The following PLOD3 variants were observed in gnomAD, a reference collection of about 807,000 sequenced individuals.
The protein encoded by PLOD3 is multifunctional procollagen lysine hydroxylase and glycosyltransferase LH3.
Under a neutral mutation model 96.9 loss-of-function variants are expected in PLOD3, and 73 were observed. The observed-to-expected ratio is 0.75, with a 90% CI of 0.62 to 0.92. PLOD3 has a LOEUF of 0.92. PLOD3 is among the 40% of genes least tolerant of loss of function. The pLI, the probability that PLOD3 is intolerant of heterozygous loss-of-function variation, is 0.00. For missense variants in PLOD3, 1,004 were observed against 1,004.3 expected, an observed-to-expected ratio of 1.00 and a Z score of 0.00; for synonymous variants, 454 against 413.7, an observed-to-expected ratio of 1.10 and a Z score of -1.18.
intron 6 of PLOD3, chr7:101,213,669 A>T: frequency 5.9e-6 from 1 of 169,042 alleles, no homozygotes; most frequent in African/African-American, 2.4e-5. Context: ...GGCACATGCC[A>T]CTACACCTGG....
At chr7:101,211,815 C>T (rs1479711681) in intron 11 of PLOD3, 31 bp downstream of exon 11, 1 of 1,592,942 alleles carries the variant, frequency 6.3e-7, no homozygotes, top group East Asian at 2.3e-5. Flanking sequence ...GTTGGGGTGC[C>T]CTCCGGCTGC....
Position 101,206,387 on chromosome 7 carries a change from C to A in PLOD3, c.2111G>T (p.Arg704Met). 1 of 1,613,694 alleles carries A rather than the reference C, an allele frequency of 6.2e-7. No homozygotes were observed. The highest frequency in any genetic ancestry group is 8.5e-7 in the Non-Finnish European group (1 of 1,179,814). The change falls in exon 19 of 19, where the codon AGG (arginine) becomes ATG (methionine). Residue 704 changes from arginine (R) to methionine (M), a missense_variant. Arg to Met is a moderately conservative substitution (Grantham distance 91). Coordinates refer to ENST00000223127, the MANE Select transcript of PLOD3 (RefSeq NM_001084.5). ...LRYDCVISSP[R>M]KGWALLHPGR... ...GGGGTGCAGGAGTGCCCAGCCCTTC[C>A]TCGGGGAGGAGATCACACAGTCGTA...
intron 7 of PLOD3, 28 bp from the exon 8 acceptor site, chr7:101,212,971 G>C: frequency 6.5e-7 from 1 of 1,542,496 alleles, no homozygotes. Flanking sequence ...AGGCTGAGTG[G>C]CTGAGGCCTC....
chr7:101,210,091 A>G lies in PLOD3; in HGVS notation c.1683+2T>C. The stretch of plus-strand genomic sequence containing the variant: ...GTGGGTGGGGAGGCTGCGTGGGCTC[A>G]CCTGCTCCACGATTCCTTCCCCTTC... On this transcript the variant is annotated splice_donor_variant, in intron 15 of 18. Transcript: ENST00000223127. LOFTEE classifies it high-confidence loss of function. 1.3e-6 allele frequency: 2 copies of G among 1,586,462 alleles called. No homozygotes were observed. The highest frequency in any genetic ancestry group is 1.7e-6 in the Non-Finnish European group (2 of 1,165,344).
chr7:101,211,656 G>C lies in PLOD3; in HGVS notation c.1293C>G (p.Ala431=), dbSNP rs769649578. 3.6e-5 allele frequency: 58 copies of C among 1,607,102 alleles called. No individual in the cohort carries two copies. The highest frequency in any genetic ancestry group is 4.2e-5 in the Non-Finnish European group (50 of 1,177,466). The change falls in exon 12 of 19, where the codon GCC becomes GCG. Residue 431 remains alanine (A), a synonymous_variant. Transcript: ENST00000223127. ...GGGCGTAGTACTCATCGGGGCTCAG[G>C]GCGCCCCAGAAGTTGGACCACAGCT... ...HGKLWSNFWG[A]LSPDEYYARS...
At chr7:101,206,693 G>T (rs1328149356) in intron 18 of PLOD3, 86 bp downstream of exon 18, 2 of 1,432,198 alleles carry the variant, frequency 1.4e-6, no homozygotes, top group Non-Finnish European at 1.9e-6. Flanking sequence ...GCAGGGAGGG[G>T]AGCTGGGGGA....
Position 101,215,091 on chromosome 7 carries a change from A to G in PLOD3, c.677T>C (p.Leu226Ser), listed in dbSNP as rs1450914625. The G allele has an allele frequency of 6.2e-7, 1 of 1,610,764 alleles. No individual in the cohort carries two copies. Among genetic ancestry groups the G allele is most frequent in the East Asian group, 2.2e-5 (1 of 44,876 alleles). ...CCTGCGGCTGTCTTCCTCCTCACCTAAAGCCCCGTTGAGGTTCTGAAAGAT... is the reference window on the plus strand; with the variant it reads ...CCTGCGGCTGTCTTCCTCCTCACCTGAAGCCCCGTTGAGGTTCTGAAAGAT... ...SRIFQNLNGA[L>S]DEVVLKFDRN... is the part of the protein sequence containing the mutation. Residue 226 changes from leucine to serine, a missense_variant and splice_region_variant, in exon 6 of 19, where the codon TTA becomes TCA. By Grantham distance (145) the Leu-to-Ser change is moderately radical. Around this residue, in one of 5 missense-constraint regions of PLOD3, gnomAD observed 690 missense variants for 650.2 expected, o/e 1.06. Coordinates refer to ENST00000223127, the MANE Select transcript of PLOD3 (RefSeq NM_001084.5).
chr7:101,208,641 G>T lies in PLOD3; in HGVS notation c.1788+212C>A, dbSNP rs146640133. The T allele has an allele frequency of 1.3e-4, 74 of 557,306 alleles. No homozygotes were observed. In the East Asian group the frequency reaches 2.4e-3, roughly 18 times the overall value. The allele number at this position is 557,306 out of a possible 1,614,324, so 34.5% of individuals were successfully genotyped here. A position where few individuals can be genotyped will look rare whatever the true frequency, so the allele number is the denominator to read the frequency against. On this transcript the variant is annotated intron_variant, in intron 16 of 18. Transcript: ENST00000223127. Reference sequence around the variant, plus strand: ...CTGCTCGAGCAATCCTCCCGCCTCAGCCTCCCAAAGTGCTAGGATTACAGG... The same window carrying T: ...CTGCTCGAGCAATCCTCCCGCCTCATCCTCCCAAAGTGCTAGGATTACAGG...
chr7:101,210,477 C>A, intron 13 of PLOD3, 33 bp from the exon 14 acceptor site: 10 of 1,613,808 alleles, frequency 6.2e-6, no homozygotes, highest in Non-Finnish European at 8.5e-6. Flanking sequence ...GTGATGCAGG[C>A]GATGCCTGGA....
intron 18 of PLOD3, 25 bp downstream of exon 18, chr7:101,206,754 G>T: frequency 6.4e-7 from 1 of 1,574,174 alleles, no homozygotes; most frequent in Non-Finnish European, 8.6e-7. Context: ...GTGAAGCGTG[G>T]GTGGGTAGTG....
In PLOD3 at chr7:101,211,584, G is replaced by C. The variant is rs1333403203; in HGVS notation, c.1358+7C>G. On this transcript the variant is annotated splice_region_variant and intron_variant, in intron 12 of 18. Transcript: ENST00000223127. ...GAGGCGGGGGGCTGCAGGCTGGCGG[G>C]ACTCACACTCGCTTCCGCTGCACCA... 3 of 1,598,414 alleles carry C rather than the reference G, an allele frequency of 1.9e-6. No homozygotes were observed. Among genetic ancestry groups the C allele is most frequent in the East Asian group, 2.3e-5 (1 of 44,276 alleles).
Position 101,216,345 on chromosome 7 carries a change from G to A in PLOD3, c.339-19C>T. 1 of 1,613,476 alleles carries A rather than the reference G, an allele frequency of 6.2e-7. No homozygotes were observed. On this transcript the variant is annotated intron_variant, in intron 3 of 18. Coordinates refer to ENST00000223127, the MANE Select transcript of PLOD3 (RefSeq NM_001084.5). ...GTCGTAGCTGGGTGAGGAAGGGGAG[G>A]ATGGGCAGGGGTCCACTGGGAACCT...
In PLOD3 at chr7:101,216,071, T is replaced by A. The variant is rs553756642; in HGVS notation, c.503-51A>T. The stretch of plus-strand genomic sequence containing the variant: ...TCGAGACTCCCAGGGTCCCAGGGCC[T>A]GTCCCCCAGGCTGTCTCCAGCCCTC... On this transcript the variant is annotated intron_variant, in intron 4 of 18. Coordinates refer to ENST00000223127, the MANE Select transcript of PLOD3 (RefSeq NM_001084.5). 3 of 1,606,088 alleles carry A rather than the reference T, an allele frequency of 1.9e-6. No individual in the cohort carries two copies. The Admixed American group carries it at 5.0e-5, about 27-fold the overall frequency.
At chr7:101,206,653 G>A in intron 18 of PLOD3, 126 bp downstream of exon 18, 2 of 1,192,900 alleles carry the variant, frequency 1.7e-6, no homozygotes, top group Non-Finnish European at 2.4e-6. Context: ...CGATCCAGGA[G>A]CTGATACCCA....
chr7:101,209,193 C>T (rs867702170), intron 15 of PLOD3, among the ~76,000 whole-genome samples: 12 of 150,850 alleles, frequency 8.0e-5, no homozygotes, highest in African/African-American at 2.7e-4. Context: ...TCCAAACTTC[C>T]GTAACAGTGC....
Position 101,216,261 on chromosome 7 carries a change from C to T in PLOD3, c.404G>A (p.Arg135His), listed in dbSNP as rs779637767. 3 of 1,613,296 alleles carry T rather than the reference C, an allele frequency of 1.9e-6. No individual in the cohort carries two copies. Among genetic ancestry groups the T allele is most frequent in the African/African-American group, 2.7e-5 (2 of 74,910 alleles). ...GAAGCTCTCTGCAGAGAAGAGCAGGCGGCTGCCACTCTGGACGAACTTCTT... is the reference window on the plus strand; with the variant it reads ...GAAGCTCTCTGCAGAGAAGAGCAGGTGGCTGCCACTCTGGACGAACTTCTT... ...LLKKFVQSGS[R>H]LLFSAESFCW... Residue 135 changes from arginine to histidine, a missense_variant, in exon 4 of 19, where the codon CGC becomes CAC. By Grantham distance (29) the Arg-to-His change is conservative (BLOSUM62 0). This residue lies in a region of PLOD3 where 690 missense variants were observed against 650.2 expected (regional missense o/e 1.06). Coordinates refer to ENST00000223127, the MANE Select transcript of PLOD3 (RefSeq NM_001084.5).
At position 101,210,520 on chromosome 7, in the gene PLOD3, A is replaced by G; in HGVS notation, c.1500+12T>C. On this transcript the variant is annotated intron_variant, in intron 13 of 18. Transcript: ENST00000223127. The stretch of plus-strand genomic sequence containing the variant: ...GGACTGCCCCCAGGCCAGACCGTGC[A>G]CCCGCGCTCACCTTGTCTCGAAAGC... 6.2e-7 allele frequency: 1 copy of G among 1,614,060 alleles called. No homozygotes were observed. The highest frequency in any genetic ancestry group is 8.5e-7 in the Non-Finnish European group (1 of 1,180,010).
chr7:101,217,065 G>C (rs574264811), intron 1 of PLOD3, 101 bp downstream of exon 1: 2 of 1,258,012 alleles, frequency 1.6e-6, no homozygotes, highest in South Asian at 3.1e-5. Flanking sequence ...GGCGGGGGAC[G>C]GGCCAGACAC....
chr7:101,207,175 C>T (rs1798101430), intron 17 of PLOD3, among the ~76,000 whole-genome samples: 1 of 152,058 alleles, frequency 6.6e-6, no homozygotes, highest in African/African-American at 2.4e-5. Flanking sequence ...GAGGTTTCAC[C>T]ATCTTGGCCA....
Sources: gnomAD v4.1 joint callset for allele counts (sites outside exome capture counted in the v4.1 genomes callset) on GRCh38, gnomAD v4.1.1 for gene constraint, gnomAD v4.1.1 regional missense constraint, MANE v1.5 for transcripts, NCBI Gene and HGNC (gene_info 2026-07-23, HGNC 2026-07-21) for gene names.